MYCBP2: variants seen among roughly 807,000 people sequenced by gnomAD.
MYCBP2 encodes the protein E3 ubiquitin-protein ligase MYCBP2.
Under a neutral mutation model 525.3 loss-of-function variants are expected in MYCBP2, and 120 were observed. The ratio of observed to expected loss-of-function variants is 0.23; its 90% CI spans 0.20 to 0.27. The LOEUF (loss-of-function observed/expected upper bound fraction) is 0.27. Ranked by LOEUF, MYCBP2 falls within the 10% of genes least tolerant of loss-of-function variation. The pLI is 1.00. For synonymous variants in MYCBP2, 1,894 were observed against 1,955.8 expected (o/e 0.97, Z 0.83); for missense variants, 4,149 against 5,657.1 (o/e 0.73, Z 8.55).
At chr13:77,124,317 A>G (rs1416474397) in intron 54 of MYCBP2, among the ~76,000 whole-genome samples, 1 of 152,230 alleles carries the variant, frequency 6.6e-6, no homozygotes, top group African/African-American at 2.4e-5. Context: ...ATACTCCATC[A>G]TTATTGCAAA....
rs1200610099 is a variant in MYCBP2 at position 77,098,164 on chromosome 13, G to A, written c.8990C>T (p.Thr2997Ile). ...KISRKCANRH[T>I]RPKKEKSSFL... Reference sequence around the variant, plus strand: ...ACTCGATTTTTCTTTTTTGGGCCTGGTGTGTCTATTAGCACATTTTCGACT... The same window carrying A: ...ACTCGATTTTTCTTTTTTGGGCCTGATGTGTCTATTAGCACATTTTCGACT... Residue 2997 changes from threonine to isoleucine, a missense_variant, in exon 56 of 83, where the codon ACC (threonine) becomes ATC (isoleucine). Transcript: ENST00000544440. The A allele has an allele frequency of 2.5e-6, 4 of 1,613,572 alleles. No homozygotes were observed. The highest frequency in any genetic ancestry group is 3.4e-6 in the Non-Finnish European group (4 of 1,179,790).
intron 49 of MYCBP2, among the ~76,000 whole-genome samples, chr13:77,141,204 A>G (rs947118734): frequency 6.6e-6 from 1 of 152,174 alleles, no homozygotes; most frequent in Non-Finnish European, 1.5e-5. Flanking sequence ...GAAATGATAC[A>G]GAAAAAATGG....
At chr13:77,293,232 AG>A (rs772107856) in intron 2 of MYCBP2, among the ~76,000 whole-genome samples, 8 of 152,196 alleles carry the variant, frequency 5.3e-5, no homozygotes, top group African/African-American at 9.6e-5. Context: ...AGAATTTATC[AG>A]AGGTTTGAGG....
At chr13:77,117,282 T>C (rs1359675500) in intron 55 of MYCBP2, among the ~76,000 whole-genome samples, 1 of 152,080 alleles carries the variant, frequency 6.6e-6, no homozygotes, top group African/African-American at 2.4e-5. Context: ...TGAACGAACA[T>C]GATAAGCTAG....
chr13:77,049,244 C>T (rs1780851315), intron 82 of MYCBP2, among the ~76,000 whole-genome samples: 2 of 152,130 alleles, frequency 1.3e-5, no homozygotes, highest in Admixed American at 1.3e-4. Flanking sequence ...CCTCCATAAC[C>T]TGGCTTCACA....
intron 82 of MYCBP2, among the ~76,000 whole-genome samples, chr13:77,047,125 A>C (rs2035729859): frequency 6.6e-6 from 1 of 152,212 alleles, no homozygotes; most frequent in African/African-American, 2.4e-5. Flanking sequence ...CCCATCTTCA[A>C]GGTGTTCACA....
rs781002819 is a variant in MYCBP2 at position 77,058,440 on chromosome 13, T to C, written c.13141-34A>G. The C allele has an allele frequency of 3.7e-5, 55 of 1,501,582 alleles. No homozygotes were observed. Among genetic ancestry groups the C allele is most frequent in the Middle Eastern group, 1.8e-4 (1 of 5,488 alleles). The allele number at this position is 1,501,582 out of a possible 1,614,324, so 93.0% of individuals were successfully genotyped here. A position where few individuals can be genotyped will look rare whatever the true frequency, so the allele number is the denominator to read the frequency against. ...GATGAATTACAATGTTACACAAGTA[T>C]GTAAAAAAGCACACATTCTGGTAAT... On this transcript the variant is annotated intron_variant, in intron 77 of 82. Transcript: ENST00000544440. The surrounding 1 kb of genome is among the most constrained non-coding windows in gnomAD (Gnocchi z 4.1).
chr13:77,104,542 G>A (rs1034499213), intron 55 of MYCBP2, among the ~76,000 whole-genome samples: 6 of 152,062 alleles, frequency 3.9e-5, no homozygotes, highest in African/African-American at 1.4e-4. Context: ...TGGGAGTGAC[G>A]CCTAGAAGAG....
intron 18 of MYCBP2, among the ~76,000 whole-genome samples, chr13:77,230,233 T>A (rs919964535): frequency 2.0e-5 from 3 of 152,182 alleles, no homozygotes; most frequent in African/African-American, 7.2e-5. Flanking sequence ...CCACAGTTCT[T>A]ACTCTCCTTA....
At position 77,294,105 on chromosome 13, in the gene MYCBP2, T is replaced by TATATATATATATAC. The variant is rs1555465459; in HGVS notation, c.378+2493_378+2494insGTATATATATATAT. On this transcript the variant is annotated intron_variant, in intron 2 of 82. Coordinates refer to ENST00000544440, the MANE Select transcript of MYCBP2 (RefSeq NM_015057.5). ...ATAGCCATAAAGTAGATATAATGGC[T>TATATATATATATAC]ATATATATATATATATATATATATA... Among the ~76,000 whole-genome samples, 7 of 7,938 alleles carry TATATATATATATAC rather than the reference T, an allele frequency of 8.8e-4. No individual in the cohort carries two copies. In the East Asian group the frequency reaches 0.024, roughly 27 times the overall value. 5.2% of individuals were successfully genotyped at this position (7,938 alleles called of 152,430 possible). A position where few individuals can be genotyped will look rare whatever the true frequency, so the allele number is the denominator to read the frequency against.
Position 77,225,098 on chromosome 13 carries a change from A to G in MYCBP2, c.2857+337T>C, listed in dbSNP as rs1201389768. ...TTTGTTGACATACATTTATCACTGA[A>G]CATTAACAAAATATGGGAACATGTT... is the stretch of plus-strand genomic sequence containing the variant. On this transcript the variant is annotated intron_variant, in intron 19 of 82. Transcript: ENST00000544440. Among the ~76,000 whole-genome samples, 4 of 152,244 alleles carry G rather than the reference A, an allele frequency of 2.6e-5. No homozygotes were observed. In the South Asian group the frequency reaches 8.3e-4, roughly 32 times the overall value.
intron 30 of MYCBP2, among the ~76,000 whole-genome samples, chr13:77,188,698 C>T (rs146309631): frequency 6.6e-6 from 1 of 152,088 alleles, no homozygotes; most frequent in Non-Finnish European, 1.5e-5. Context: ...ACTAGAAAAG[C>T]AAATCGTTAT....
At chr13:77,169,868 G>T (rs2058970486) in intron 38 of MYCBP2, among the ~76,000 whole-genome samples, 154 bp from the exon 39 acceptor site, 1 of 152,104 alleles carries the variant, frequency 6.6e-6, no homozygotes, top group African/African-American at 2.4e-5. Context: ...CTATTCTAAA[G>T]GCTTTTGAGA....
intron 44 of MYCBP2, among the ~76,000 whole-genome samples, chr13:77,159,998 C>T (rs1006750530): frequency 8.6e-5 from 13 of 151,724 alleles, no homozygotes; most frequent in East Asian, 3.8e-4. Context: ...AAAACTCAGA[C>T]GTTTCTTAAC....
intron 81 of MYCBP2, 151 bp downstream of exon 81, chr13:77,051,660 T>C (rs2036845557): frequency 1.9e-6 from 1 of 523,934 alleles, no homozygotes; most frequent in Non-Finnish European, 3.3e-6. Flanking sequence ...ATAATATATA[T>C]GAAATAATGT....
chr13:77,276,246 GAGA>G (rs1345311591), intron 4 of MYCBP2, among the ~76,000 whole-genome samples: 9 of 152,070 alleles, frequency 5.9e-5, no homozygotes. Flanking sequence ...TATTTGCAAA[GAGA>G]AGAAGCTTGG....
intron 55 of MYCBP2, among the ~76,000 whole-genome samples, chr13:77,108,853 G>C (rs752360697): frequency 7.9e-5 from 12 of 152,066 alleles, no homozygotes; most frequent in Non-Finnish European, 1.8e-4. Flanking sequence ...ACAGGTGCCT[G>C]CCACCACACC....
At chr13:77,085,086 G>A (rs2043997245) in intron 62 of MYCBP2, among the ~76,000 whole-genome samples, 1 of 151,966 alleles carries the variant, frequency 6.6e-6, no homozygotes, top group East Asian at 1.9e-4. Context: ...AACTAATGCT[G>A]ACACTGGCTG....
chr13:77,055,722 T>C lies in MYCBP2; in HGVS notation c.13483A>G (p.Lys4495Glu), dbSNP rs2037817195. The change falls in exon 80 of 83, where the codon AAA becomes GAA. Residue 4495 changes from lysine to glutamate, a missense_variant. Lys to Glu is a moderately conservative substitution (Grantham distance 56). Coordinates refer to ENST00000544440, the MANE Select transcript of MYCBP2 (RefSeq NM_015057.5). The part of the protein sequence containing the change: ...IVLKDLLDPI[K>E]ELYEDVRRKA... Reference sequence around the variant, plus strand: ...CTTCTGACATCCTCATAGAGTTCTTTTATTGGATCAAGTAGGTCTTTTAGT... The same window carrying C: ...CTTCTGACATCCTCATAGAGTTCTTCTATTGGATCAAGTAGGTCTTTTAGT... The C allele has an allele frequency of 1.2e-6, 2 of 1,613,916 alleles. No homozygotes were observed. Among genetic ancestry groups the C allele is most frequent in the African/African-American group, 1.3e-5 (1 of 75,048 alleles).
Sources: allele counts gnomAD v4.1 joint callset (sites outside exome capture counted in the v4.1 genomes callset), GRCh38; gene constraint gnomAD v4.1.1; non-coding constraint Gnocchi (gnomAD v3.1); transcripts MANE v1.5; gene names NCBI Gene and HGNC (gene_info 2026-07-23, HGNC 2026-07-21).